The following SEPHS1 variants were observed in gnomAD, a reference collection of about 807,000 sequenced individuals.
SEPHS1 encodes zincore component SEPHS1.
Under a neutral mutation model 39.2 loss-of-function variants are expected in SEPHS1, and 7 were observed. The observed-to-expected ratio is 0.18, with a 90% CI of 0.10 to 0.34. The LOEUF (loss-of-function observed/expected upper bound fraction) is 0.34, where lower values mean the gene tolerates loss of function less well. Among genes scored for constraint, SEPHS1 ranks in the 10% least tolerant of loss-of-function variants. The pLI, the probability that SEPHS1 is intolerant of heterozygous loss-of-function variation, is 1.00. For synonymous variants in SEPHS1, 190 were observed against 195.5 expected (o/e 0.97, Z 0.23); for missense variants, 253 against 514.5 (o/e 0.49, Z 4.92).
At chr10:13,327,267 A>T (rs939276551) in intron 7 of SEPHS1, among the ~76,000 whole-genome samples, 2 of 138,216 alleles carry the variant, frequency 1.4e-5, no homozygotes, top group African/African-American at 2.9e-5. Flanking sequence ...AAAAAAAAAA[A>T]GTTTACTAGG....
intron 8 of SEPHS1, 121 bp downstream of exon 8, chr10:13,322,714 G>T: frequency 2.2e-6 from 2 of 898,678 alleles, no homozygotes; most frequent in Non-Finnish European, 3.4e-6. Context: ...TGCGGAGGCC[G>T]AGGTCAGCAG....
intron 1 of SEPHS1, among the ~76,000 whole-genome samples, chr10:13,345,835 C>CCACT (rs1833905950): frequency 6.6e-6 from 1 of 152,186 alleles, no homozygotes; most frequent in Non-Finnish European, 1.5e-5. Context: ...CGAGATCGAG[C>CCACT]CACTGCACTC....
intron 1 of SEPHS1, among the ~76,000 whole-genome samples, chr10:13,347,615 C>G (rs920370246): frequency 3.4e-5 from 5 of 147,138 alleles, no homozygotes; most frequent in Non-Finnish European, 6.1e-5. Context: ...GCGGGGAGGC[C>G]CCGGAGGCAC....
chr10:13,333,938 C>T lies in SEPHS1; in HGVS notation c.439G>A (p.Gly147Ser). 6.2e-7 allele frequency: 1 copy of T among 1,613,818 alleles called. No homozygotes were observed. Among genetic ancestry groups the T allele is most frequent in the Non-Finnish European group, 8.5e-7 (1 of 1,179,916 alleles). The stretch of plus-strand genomic sequence containing the variant: ...GCTTCCTCAGCTGCGTCTTTAAAAC[C>T]TTGGATAATCAGAGGCATCACTTTA... ...RDKVMPLIIQ[G>S]FKDAAEEAGT... The change falls in exon 5 of 9, where the codon GGT becomes AGT. Residue 147 changes from glycine to serine, a missense_variant. Gly to Ser is a moderately conservative substitution (Grantham distance 56). This residue lies in a region of SEPHS1 where 123 missense variants were observed against 196.8 expected (regional missense o/e 0.62). Transcript: ENST00000327347.
chr10:13,333,727 ACTGCAC>A, intron 5 of SEPHS1, 84 bp downstream of exon 5: 4 of 1,350,752 alleles, frequency 3.0e-6, no homozygotes, highest in Non-Finnish European at 4.1e-6. Flanking sequence ...TGTGTGAGCC[ACTGCAC>A]CTGACCTTAA....
At position 13,319,235 on chromosome 10, in the gene SEPHS1, G is replaced by A. The variant is rs1245241730; in HGVS notation, c.1086C>T (p.Arg362=). The A allele has an allele frequency of 1.9e-6, 3 of 1,613,922 alleles. No homozygotes were observed. Among genetic ancestry groups the A allele is most frequent in the Non-Finnish European group, 2.5e-6 (3 of 1,179,848 alleles). ...GGGGTTTGTCTATGATTCTGGCTGTGCGGTTGCCCTTCTCTACAATCCCAA... is the reference window on the plus strand; with the variant it reads ...GGGGTTTGTCTATGATTCTGGCTGTACGGTTGCCCTTCTCTACAATCCCAA... ...WIIGIVEKGN[R]TARIIDKPRI... Residue 362 remains arginine, a synonymous_variant, in exon 9 of 9, where the codon CGC becomes CGT. Transcript: ENST00000327347.
At chr10:13,345,631 T>C (rs1294346660) in intron 1 of SEPHS1, among the ~76,000 whole-genome samples, 1 of 152,074 alleles carries the variant, frequency 6.6e-6, no homozygotes, top group Admixed American at 6.6e-5. Flanking sequence ...GCCTACAATC[T>C]CGGCACTTTG....
Position 13,336,247 on chromosome 10 carries a change from T to C in SEPHS1, c.401A>G (p.Asp134Gly). 1 of 1,609,800 alleles carries C rather than the reference T, an allele frequency of 6.2e-7. No individual in the cohort carries two copies. The highest frequency in any genetic ancestry group is 2.2e-5 in the East Asian group (1 of 44,824). ...MLLGVSNKMT[D>G]RERDKVMPLI... ...AGCCGGGTAGCTCCTACTTACCCTG[T>C]CGGTCATTTTATTACTGACTCCAAG... The change falls in exon 4 of 9, where the codon GAC (aspartate) becomes GGC (glycine). Residue 134 changes from aspartate to glycine, a missense_variant. Asp to Gly is a moderately conservative substitution (Grantham distance 94). Transcript: ENST00000327347.
chr10:13,341,773 A>G (rs1833791859), intron 2 of SEPHS1, among the ~76,000 whole-genome samples: 1 of 150,724 alleles, frequency 6.6e-6, no homozygotes. Flanking sequence ...CCTGACCAAC[A>G]TAGTGAAACC....
intron 8 of SEPHS1, among the ~76,000 whole-genome samples, chr10:13,321,017 T>C (rs1833094785): frequency 6.6e-6 from 1 of 152,124 alleles, no homozygotes; most frequent in South Asian, 2.1e-4. Context: ...TTTGTTTTTT[T>C]AAACGGGAGG....
In SEPHS1 at chr10:13,346,854, C is replaced by T. The variant is rs1450564280; in HGVS notation, c.-79+1146G>A. Among the ~76,000 whole-genome samples, 3 of 152,154 alleles carry T rather than the reference C, an allele frequency of 2.0e-5. No individual in the cohort carries two copies. In the East Asian group the frequency reaches 5.8e-4, roughly 29 times the overall value. On this transcript the variant is annotated intron_variant, in intron 1 of 8. Coordinates refer to ENST00000327347, the MANE Select transcript of SEPHS1 (RefSeq NM_012247.5). ...CTATCACTTCCTTTTAAATTACTAT[C>T]TTCTCAAGAGTTTTAAGGGTGGAAA...
In SEPHS1 at chr10:13,329,687, G is replaced by A; in HGVS notation, c.651+11C>T. On this transcript the variant is annotated intron_variant, in intron 6 of 8. Transcript: ENST00000327347. ...TTCCCCTCCCTCCCATCACAGCAGT[G>A]GTTTACTCACGATATCCAGCCACTG... The A allele has an allele frequency of 6.3e-7, 1 of 1,589,082 alleles. No homozygotes were observed. Among genetic ancestry groups the A allele is most frequent in the African/African-American group, 1.3e-5 (1 of 74,756 alleles).
At position 13,333,880 on chromosome 10, in the gene SEPHS1, A is replaced by G; in HGVS notation, c.497T>C (p.Leu166Pro). ...GTSVTGGQTVLNPWIVLGGVA... is the reference protein window; with the variant it reads ...GTSVTGGQTVPNPWIVLGGVA... ...TCCTCCCAGGACAATCCAGGGGTTT[A>G]GTACTGTTTGGCCGCCTGTTACAGA... is the stretch of plus-strand genomic sequence containing the variant. The change falls in exon 5 of 9, where the codon CTA becomes CCA. Residue 166 changes from leucine (L) to proline (P), a missense_variant. Physicochemically the swap from Leu to Pro is moderately conservative, Grantham distance 98 (BLOSUM62 -3). Coordinates refer to ENST00000327347, the MANE Select transcript of SEPHS1 (RefSeq NM_012247.5). 6.2e-7 allele frequency: 1 copy of G among 1,614,064 alleles called. No homozygotes were observed. The highest frequency in any genetic ancestry group is 8.5e-7 in the Non-Finnish European group (1 of 1,179,922).
chr10:13,345,075 G>T, intron 1 of SEPHS1, 47 bp from the exon 2 acceptor site: 1 of 856,386 alleles, frequency 1.2e-6, no homozygotes, highest in Non-Finnish European at 1.7e-6. Flanking sequence ...AATTCCCACT[G>T]GGACCTGCCA....
At chr10:13,346,231 G>T (rs1224994781) in intron 1 of SEPHS1, among the ~76,000 whole-genome samples, 2 of 152,270 alleles carry the variant, frequency 1.3e-5, no homozygotes, top group East Asian at 3.9e-4. Flanking sequence ...GGGGCTAAAG[G>T]AAAAAACAAC....
At chr10:13,343,388 G>A (rs913498449) in intron 2 of SEPHS1, among the ~76,000 whole-genome samples, 8 of 152,084 alleles carry the variant, frequency 5.3e-5, no homozygotes, top group Admixed American at 1.3e-4. Context: ...GGTCACCAGC[G>A]ACTGGGGTGT....
intron 6 of SEPHS1, among the ~76,000 whole-genome samples, chr10:13,328,857 C>A (rs1833382613): frequency 6.6e-6 from 1 of 152,222 alleles, no homozygotes; most frequent in South Asian, 2.1e-4. Flanking sequence ...CACCTCTGCG[C>A]AACATCCCCG....
At chr10:13,321,330 T>C (rs1252108537) in intron 8 of SEPHS1, among the ~76,000 whole-genome samples, 1 of 152,042 alleles carries the variant, frequency 6.6e-6, no homozygotes, top group African/African-American at 2.4e-5. Context: ...CACTGCAACC[T>C]GTGCCTCCTG....
chr10:13,328,534 C>T, intron 6 of SEPHS1, 84 bp from the exon 7 acceptor site: 1 of 945,098 alleles, frequency 1.1e-6, no homozygotes. Context: ...AAAACAGCAA[C>T]TTTTTCTTAT....
Sources: gnomAD v4.1 joint callset for allele counts (sites outside exome capture counted in the v4.1 genomes callset) on GRCh38, gnomAD v4.1.1 for gene constraint, gnomAD v4.1.1 regional missense constraint, MANE v1.5 for transcripts, NCBI Gene and HGNC (gene_info 2026-07-23, HGNC 2026-07-21) for gene names.